FREM2: variants seen among roughly 807,000 people sequenced by gnomAD.
FREM2 encodes the protein FRAS1-related extracellular matrix protein 2.
FREM2 carries 119 observed loss-of-function variants against 219.9 expected under a neutral mutation model. The observed-to-expected ratio is 0.54, with a 90% CI of 0.47 to 0.63. FREM2 has a LOEUF of 0.63. Among genes scored for constraint, FREM2 ranks in the 30% least tolerant of loss-of-function variants. The pLI is 0.00. For missense variants in FREM2, 4,030 were observed against 3,993.6 expected, an observed-to-expected ratio of 1.01 and a Z score of -0.25; for synonymous variants, 1,562 against 1,522.8, an observed-to-expected ratio of 1.03 and a Z score of -0.60.
At chr13:38,808,052 G>C (rs1056956500) in intron 6 of FREM2, among the ~76,000 whole-genome samples, 15 of 151,844 alleles carry the variant, frequency 9.9e-5, no homozygotes, top group Non-Finnish European at 1.9e-4. Context: ...AGATCTTCTG[G>C]ATAACTTGCT....
At chr13:38,856,045 TA>T (rs34182165) in intron 11 of FREM2, 80 bp from the exon 12 acceptor site, 99,680 of 595,316 alleles carry the variant, frequency 0.17, 161 homozygotes, top group Non-Finnish European at 0.19. Context: ...TAGGCCACAG[TA>T]AAAAAAAAAA....
chr13:38,754,761 T>C (rs1872914022), intron 2 of FREM2, among the ~76,000 whole-genome samples: 1 of 152,036 alleles, frequency 6.6e-6, no homozygotes, highest in African/African-American at 2.4e-5. Flanking sequence ...CAGTTGTTTT[T>C]GATGAGTGTT....
intron 2 of FREM2, among the ~76,000 whole-genome samples, chr13:38,763,109 G>T (rs1873294844): frequency 2.0e-5 from 3 of 152,148 alleles, no homozygotes; most frequent in Non-Finnish European, 4.4e-5. Context: ...TTTGCCCCTT[G>T]CACACATTGG....
At position 38,769,792 on chromosome 13, in the gene FREM2, C is replaced by A. The variant is rs202007498; in HGVS notation, c.5625C>A (p.Ile1875=). 9.0e-5 allele frequency: 146 copies of A among 1,613,602 alleles called. No homozygotes were observed. The highest frequency in any genetic ancestry group is 1.2e-4 in the Non-Finnish European group (141 of 1,179,588). The change falls in exon 4 of 24, where the codon ATC becomes ATA. Residue 1875 remains isoleucine, a synonymous_variant. Coordinates refer to ENST00000280481, the MANE Select transcript of FREM2 (RefSeq NM_207361.6). ...TCCCCACAGTCGCCACTGTTGAGAT[C>A]GTTGATCCAGGAGATGGTAAGAGCC... is the stretch of plus-strand genomic sequence containing the variant. ...LEFPTVATVE[I]VDPGDEPTVF... is the part of the protein sequence containing the mutation.
intron 11 of FREM2, among the ~76,000 whole-genome samples, chr13:38,852,525 A>G (rs1184362523): frequency 2.0e-5 from 3 of 152,174 alleles, no homozygotes; most frequent in African/African-American, 4.8e-5. Flanking sequence ...ATAATAATCT[A>G]TTTTAGTTTA....
intron 3 of FREM2, among the ~76,000 whole-genome samples, chr13:38,766,871 A>G (rs1029273075): frequency 3.3e-5 from 5 of 152,314 alleles, no homozygotes; most frequent in Non-Finnish European, 7.4e-5. Flanking sequence ...CCCTGACTCA[A>G]CAAATATTTT....
chr13:38,715,899 A>G (rs1401836530), intron 2 of FREM2, among the ~76,000 whole-genome samples: 3 of 152,172 alleles, frequency 2.0e-5, no homozygotes, highest in East Asian at 1.9e-4. Flanking sequence ...ATTAAATAAT[A>G]TAAATGAAAA....
At chr13:38,752,684 G>A (rs934272919) in intron 2 of FREM2, among the ~76,000 whole-genome samples, 6 of 152,136 alleles carry the variant, frequency 3.9e-5, no homozygotes, top group African/African-American at 1.4e-4. Flanking sequence ...TCCTAATGTG[G>A]ATATACCACA....
chr13:38,689,736 C>T lies in FREM2; in HGVS notation c.2392C>T (p.Arg798Ter), dbSNP rs922421314. 5.6e-6 allele frequency: 9 copies of T among 1,613,122 alleles called. No individual in the cohort carries two copies. Among genetic ancestry groups the T allele is most frequent in the Non-Finnish European group, 5.9e-6 (7 of 1,179,594 alleles). ...PPGQELGVAT[R>*]VAQFQFQVED... ...GGGTCAAGAACTGGGCGTGGCTACTCGAGTGGCCCAGTTCCAGTTCCAGGT... is the reference window on the plus strand; with the variant it reads ...GGGTCAAGAACTGGGCGTGGCTACTTGAGTGGCCCAGTTCCAGTTCCAGGT... Residue 798 changes from arginine to a stop codon, truncating the protein, a stop_gained, in exon 1 of 24, where the codon CGA (arginine) becomes TGA (stop). Coordinates refer to ENST00000280481, the MANE Select transcript of FREM2 (RefSeq NM_207361.6). LOFTEE classifies it high-confidence loss of function.
intron 6 of FREM2, among the ~76,000 whole-genome samples, chr13:38,846,016 C>T (rs1877139899): frequency 6.6e-6 from 1 of 152,034 alleles, no homozygotes; most frequent in South Asian, 2.1e-4. Context: ...GCAGTCAGGC[C>T]CTGCAGTCTT....
In FREM2 at chr13:38,757,589, C is replaced by T. The variant is rs570047149; in HGVS notation, c.5264-6715C>T. On this transcript the variant is annotated intron_variant, in intron 2 of 23. Transcript: ENST00000280481. ...GTCCTGGGTCTTTGTCATGCCACTC[C>T]TCTTTTTTTTTCTCTTTTTTTTTTA... Among the ~76,000 whole-genome samples, 6 of 151,846 alleles carry T rather than the reference C, an allele frequency of 4.0e-5. No homozygotes were observed. The South Asian group carries it at 1.2e-3, about 32-fold the overall frequency.
intron 2 of FREM2, among the ~76,000 whole-genome samples, chr13:38,752,052 G>A (rs931392787): frequency 2.6e-5 from 4 of 152,266 alleles, no homozygotes; most frequent in East Asian, 1.9e-4. Context: ...AATACTACAC[G>A]CTAAGCAGCA....
chr13:38,871,469 C>T (rs1178741909), intron 16 of FREM2, among the ~76,000 whole-genome samples: 2 of 152,070 alleles, frequency 1.3e-5, no homozygotes, highest in African/African-American at 4.8e-5. Flanking sequence ...TACTATTGTG[C>T]AGAGCTATTT....
intron 6 of FREM2, among the ~76,000 whole-genome samples, chr13:38,796,109 A>C (rs771755384): frequency 2.0e-5 from 3 of 152,226 alleles, no homozygotes; most frequent in Non-Finnish European, 2.9e-5. Flanking sequence ...AATGGGCAGA[A>C]TCCAAGGGAA....
At position 38,689,006 on chromosome 13, in the gene FREM2, G is replaced by T; in HGVS notation, c.1662G>T (p.Val554=). The T allele has an allele frequency of 1.9e-6, 3 of 1,613,966 alleles. No homozygotes were observed. Among genetic ancestry groups the T allele is most frequent in the Non-Finnish European group, 2.5e-6 (3 of 1,179,930 alleles). ...AGTTTCTGTTCCCCATCACCTTAGT[G>T]CCTGTGGATGACCAGCCACCTGTTC... The part of the protein sequence containing the change: ...QVQFLFPITL[V]PVDDQPPVLN... The change falls in exon 1 of 24, where the codon GTG becomes GTT. Residue 554 remains valine (V), a synonymous_variant. Coordinates refer to ENST00000280481, the MANE Select transcript of FREM2 (RefSeq NM_207361.6).
chr13:38,764,905 G>A (rs756389172), intron 3 of FREM2, among the ~76,000 whole-genome samples: 5 of 152,130 alleles, frequency 3.3e-5, no homozygotes, highest in Admixed American at 6.5e-5. Flanking sequence ...TCCAATTCAA[G>A]TTCATATTTG....
In FREM2 at chr13:38,851,673, C is replaced by A; in HGVS notation, c.6743-13C>A. The A allele has an allele frequency of 6.3e-7, 1 of 1,581,530 alleles. No homozygotes were observed. Among genetic ancestry groups the A allele is most frequent in the Non-Finnish European group, 8.7e-7 (1 of 1,151,174 alleles). On this transcript the variant is annotated splice_polypyrimidine_tract_variant and intron_variant, in intron 10 of 23. Coordinates refer to ENST00000280481, the MANE Select transcript of FREM2 (RefSeq NM_207361.6). The stretch of plus-strand genomic sequence containing the variant: ...CTAACAATTTCATTTGTCTTTGTTT[C>A]CCACAATTTTAGAGACTGTTATTAA...
chr13:38,742,405 T>C (rs1872284045), intron 2 of FREM2, among the ~76,000 whole-genome samples: 1 of 152,204 alleles, frequency 6.6e-6, no homozygotes, highest in East Asian at 1.9e-4. Context: ...AAATGTGAAT[T>C]TGGCACAGGG....
intron 6 of FREM2, among the ~76,000 whole-genome samples, chr13:38,798,206 GC>G (rs1172750572): frequency 6.6e-6 from 1 of 151,982 alleles, no homozygotes; most frequent in African/African-American, 2.4e-5. Context: ...TTTCTCAAAT[GC>G]CTTTTCTGTG....
Sources: gnomAD v4.1 joint callset for allele counts (sites outside exome capture counted in the v4.1 genomes callset) on GRCh38, gnomAD v4.1.1 for gene constraint, MANE v1.5 for transcripts, NCBI Gene and HGNC (gene_info 2026-07-23, HGNC 2026-07-21) for gene names.